The following ZFHX3 variants were observed in gnomAD, a reference collection of about 807,000 sequenced individuals.
ZFHX3 encodes zinc finger homeobox 3.
ZFHX3 carries 42 observed loss-of-function variants against 279.1 expected under a neutral mutation model. The observed-to-expected ratio is 0.15, with a 90% CI of 0.12 to 0.19. The LOEUF (loss-of-function observed/expected upper bound fraction) is 0.19, where lower values mean the gene tolerates loss of function less well. Among genes scored for constraint, ZFHX3 ranks in the 10% least tolerant of loss-of-function variants. The pLI is 1.00. For synonymous variants in ZFHX3, 2,293 were observed against 1,957.8 expected (o/e 1.17, Z -4.52); for missense variants, 4,981 against 4,754.0 (o/e 1.05, Z -1.40).
intron 2 of ZFHX3, among the ~76,000 whole-genome samples, chr16:73,539,623 G>A (rs778311586): frequency 1.1e-4 from 17 of 151,560 alleles, no homozygotes; most frequent in Non-Finnish European, 1.9e-4. Context: ...AGGTTTCCTC[G>A]ATAACATGGA....
chr16:72,806,096 G>C (rs1191132391), intron 7 of ZFHX3: 1 of 152,150 alleles, frequency 6.6e-6, no homozygotes, highest in African/African-American at 2.4e-5. Context: ...ACACAGTCTT[G>C]CCATGTTGCC....
rs762392146 is a variant in ZFHX3, at chr16:72,794,951, A to C, written c.7731T>G (p.Phe2577Leu). The C allele has an allele frequency of 3.1e-6, 5 of 1,614,156 alleles. No homozygotes were observed. The South Asian group carries it at 5.5e-5, about 18-fold the overall frequency. Residue 2577 changes from phenylalanine (F) to leucine (L), a missense_variant, in exon 9 of 10, where the codon TTT (phenylalanine) becomes TTG (leucine). Phe to Leu is a conservative substitution (Grantham distance 22). This residue lies in a region of ZFHX3 where 744 missense variants were observed against 701.3 expected (regional missense o/e 1.06). Transcript: ENST00000268489. The surrounding 1 kb of genome is among the most constrained non-coding windows in gnomAD (Gnocchi z 4.2). ...TGGCCAGGAGTGGGTTACTGGGATC[A>C]AAGAGCATGAAAGGCATATCCAGGG... ...DRSLDMPFML[F>L]DPSNPLLASQ...
rs1160928101 is a variant in ZFHX3 at position 72,907,587 on chromosome 16, GTGTGTGTGTGTGTGTGTGTTGTGTGTA to G, written c.3217-17652_3217-17626del. 3.4e-3 allele frequency among the ~76,000 whole-genome samples: 506 copies of G among 148,918 alleles called. 7 individuals carry two copies. Among genetic ancestry groups the G allele is most frequent in the African/African-American group, 0.012 (480 of 39,334 alleles). ...TGTGTGTGTGTGTGTGTGTGTGTGT[GTGTGTGTGTGTGTGTGTGTTGTGTGTA>G]TGCACACAGGTGCAGGCTCAGGCCA... On this transcript the variant is annotated intron_variant, in intron 3 of 9. Transcript: ENST00000268489.
Position 72,958,666 on chromosome 16 carries a change from G to C in ZFHX3, c.1480C>G (p.Leu494Val). Residue 494 changes from leucine to valine, a missense_variant, in exon 2 of 10, where the codon CTC becomes GTC. By Grantham distance (32) the Leu-to-Val change is conservative (BLOSUM62 1). This residue lies in a region of ZFHX3 where 1,068 missense variants were observed against 935.2 expected (regional missense o/e 1.14). Coordinates refer to ENST00000268489, the MANE Select transcript of ZFHX3 (RefSeq NM_006885.4). The part of the protein sequence containing the change: ...EEEEDEGCKG[L>V]FPSELDEELE... ...TCCTCATCCAACTCGCTTGGAAAGA[G>C]TCCTTTGCAACCCTCGTCTTCCTCC... 2 of 1,613,584 alleles carry C rather than the reference G, an allele frequency of 1.2e-6. No homozygotes were observed. The highest frequency in any genetic ancestry group is 1.7e-5 in the Admixed American group (1 of 59,946).
chr16:73,752,522 G>T lies in ZFHX3; in HGVS notation c.-1607-72282C>A, dbSNP rs116261998. Among the ~76,000 whole-genome samples, 1,350 of 152,150 alleles carry T rather than the reference G, an allele frequency of 8.9e-3. 25 individuals carry two copies. The highest frequency in any genetic ancestry group is 0.03 in the African/African-American group (1,256 of 41,476). On this transcript the variant is annotated intron_variant, in intron 1 of 17. Transcript: ENST00000641206. The stretch of plus-strand genomic sequence containing the variant: ...TCTCCCTGTGTTGGTTTTCTTCTCA[G>T]ATGGCCTCTCTCTTCCTGGTCCCCA...
intron 1 of ZFHX3, among the ~76,000 whole-genome samples, chr16:73,860,136 C>T (rs542128854): frequency 2.6e-4 from 39 of 152,208 alleles, no homozygotes; most frequent in Non-Finnish European, 4.4e-4. Flanking sequence ...ACCATCCTGA[C>T]GTGCCCCTCC....
intron 8 of ZFHX3, among the ~76,000 whole-genome samples, chr16:73,082,294 GTCTC>G (rs1460237844): frequency 1.3e-5 from 2 of 151,936 alleles, no homozygotes; most frequent in Non-Finnish European, 2.9e-5. Flanking sequence ...TTGAGAGGGA[GTCTC>G]TCTATGTTGC....
intron 4 of ZFHX3, among the ~76,000 whole-genome samples, chr16:72,853,438 C>T (rs2037669038): frequency 6.6e-6 from 1 of 152,204 alleles, no homozygotes; most frequent in South Asian, 2.1e-4. Flanking sequence ...CTTCTTTCTG[C>T]CCAGAACTTA....
chr16:72,855,682 A>T (rs1233609686), intron 4 of ZFHX3, among the ~76,000 whole-genome samples: 1 of 152,246 alleles, frequency 6.6e-6, no homozygotes, highest in Non-Finnish European at 1.5e-5. Flanking sequence ...CTATTTCAAT[A>T]CCCTGCACCA....
intron 3 of ZFHX3, among the ~76,000 whole-genome samples, chr16:72,894,224 C>T (rs1262025901): frequency 6.6e-6 from 1 of 151,884 alleles, no homozygotes; most frequent in Non-Finnish European, 1.5e-5. Flanking sequence ...CCTAACATCC[C>T]AACCCAAACT....
At chr16:73,234,217 C>T (rs924730618) in intron 5 of ZFHX3, among the ~76,000 whole-genome samples, 1 of 152,138 alleles carries the variant, frequency 6.6e-6, no homozygotes. Flanking sequence ...CAGACAGTCA[C>T]CCATCCCTGG....
At chr16:73,822,764 C>A (rs1009088533) in intron 1 of ZFHX3, among the ~76,000 whole-genome samples, 2 of 152,152 alleles carry the variant, frequency 1.3e-5, no homozygotes, top group African/African-American at 4.8e-5. Flanking sequence ...CTAACAGATG[C>A]CAGAAGAAGC....
intron 2 of ZFHX3, among the ~76,000 whole-genome samples, chr16:73,591,822 TA>T (rs35770364): frequency 0.9 from 135,010 of 150,242 alleles, 60,788 homozygotes; most frequent in Middle Eastern, 0.93. Flanking sequence ...AAGGAAATGG[TA>T]AAAAAAAAAA....
intron 1 of ZFHX3, among the ~76,000 whole-genome samples, chr16:73,699,124 C>G (rs1374112999): frequency 9.9e-5 from 15 of 152,124 alleles, no homozygotes; most frequent in Non-Finnish European, 1.6e-4. Flanking sequence ...ACTTCGTGAT[C>G]CGCCCACCTT....
chr16:72,985,211 C>CGTAAACAT (rs554039034), intron 1 of ZFHX3, among the ~76,000 whole-genome samples: 336 of 152,264 alleles, frequency 2.2e-3, no homozygotes, highest in African/African-American at 7.6e-3. Flanking sequence ...AAAAGGGGAA[C>CGTAAACAT]GTAAACATGA....
At chr16:73,779,222 C>T (rs1001408399) in intron 1 of ZFHX3, among the ~76,000 whole-genome samples, 17 of 152,034 alleles carry the variant, frequency 1.1e-4, no homozygotes, top group Admixed American at 9.2e-4. Context: ...TTTTCTTTAT[C>T]GACTGAGCTC....
chr16:72,909,540 C>T (rs1431144595), intron 3 of ZFHX3, among the ~76,000 whole-genome samples: 1 of 152,144 alleles, frequency 6.6e-6, no homozygotes, highest in Admixed American at 6.6e-5. Context: ...CCCTCTTAAA[C>T]ACACTCTTTG....
At chr16:73,548,773 T>C (rs529701473) in intron 2 of ZFHX3, among the ~76,000 whole-genome samples, 53 of 152,180 alleles carry the variant, frequency 3.5e-4, no homozygotes, top group Admixed American at 8.5e-4. Context: ...TAAATAATTA[T>C]GTAAATAAAA....
chr16:73,308,271 ATATATATTTATT>A (rs1194397694), intron 4 of ZFHX3, among the ~76,000 whole-genome samples: 4 of 25,160 alleles, frequency 1.6e-4, no homozygotes, highest in African/African-American at 2.5e-4. Flanking sequence ...ATATATATAT[ATATATATTTATT>A]TATTTATTTT....
Sources: allele counts gnomAD v4.1 joint callset (sites outside exome capture counted in the v4.1 genomes callset), GRCh38; gene constraint gnomAD v4.1.1; regional missense constraint gnomAD v4.1.1; non-coding constraint Gnocchi (gnomAD v3.1); transcripts MANE v1.5; gene names NCBI Gene and HGNC (gene_info 2026-07-23, HGNC 2026-07-21).